Variants in NXNL2 observed in about 807,000 individuals in gnomAD.
The protein encoded by NXNL2 is nucleoredoxin like 2, also known as nucleoredoxin-like protein 2.
A neutral mutation model predicts 11.1 loss-of-function variants in NXNL2; 7 were observed. The observed-to-expected ratio is 0.63, with a 90% CI of 0.36 to 1.18. NXNL2 has a LOEUF of 1.18. Ranked by LOEUF, NXNL2 falls within the 50% of genes most tolerant of loss-of-function variation. The pLI is 0.02. For synonymous variants in NXNL2, 109 were observed against 101.8 expected, an observed-to-expected ratio of 1.07 and a Z score of -0.42; for missense variants, 233 against 217.7, an observed-to-expected ratio of 1.07 and a Z score of -0.44.
chr9:88,561,458 ACTATCTATCTAT>A (rs199978903), intron 1 of NXNL2, among the ~76,000 whole-genome samples: 4 of 151,976 alleles, frequency 2.6e-5, no homozygotes, highest in Non-Finnish European at 5.9e-5. Flanking sequence ...TCTACCATCT[ACTATCTATCTAT>A]CTATCTATCT....
At chr9:88,557,080 C>CAAAAA (rs150400954) in intron 1 of NXNL2, among the ~76,000 whole-genome samples, 41 of 55,456 alleles carry the variant, frequency 7.4e-4, no homozygotes, top group Non-Finnish European at 1.2e-3. Context: ...GACTCCATCT[C>CAAAAA]AAAAAAAAAA....
intron 1 of NXNL2, among the ~76,000 whole-genome samples, chr9:88,536,247 G>T (rs1425555535): frequency 6.6e-6 from 1 of 152,194 alleles, no homozygotes; most frequent in Admixed American, 6.5e-5. Context: ...AGTGCAGGCC[G>T]TGGTTGGTTT....
chr9:88,568,527 C>G (rs903563689), intron 1 of NXNL2, among the ~76,000 whole-genome samples: 3 of 152,238 alleles, frequency 2.0e-5, no homozygotes, highest in Non-Finnish European at 4.4e-5. Context: ...ACCTCAAACT[C>G]TAAGAGTCAC....
chr9:88,557,809 T>C (rs1235954845), intron 1 of NXNL2, among the ~76,000 whole-genome samples: 5 of 152,168 alleles, frequency 3.3e-5, no homozygotes, highest in African/African-American at 9.7e-5. Context: ...TAGAGCATAA[T>C]TTCCAGGAGG....
chr9:88,575,615 T>C lies in NXNL2; in HGVS notation c.*545T>C, dbSNP rs1276178695. 10 of 152,068 alleles carry C rather than the reference T, an allele frequency of 6.6e-5. 1 individual carries two copies. The highest frequency in any genetic ancestry group is 6.5e-4 in the Admixed American group (10 of 15,274). 9.4% of individuals were successfully genotyped at this position (152,068 alleles called of 1,614,324 possible). A position where few individuals can be genotyped will look rare whatever the true frequency, so the allele number is the denominator to read the frequency against. ...GGTTACCAGAAGCTGGAAAGGAAAG[T>C]GGGGTTGGGAGGAAGGTGGGAATGG... On this transcript the variant is annotated 3_prime_UTR_variant, in exon 3 of 3. Coordinates refer to the NXNL2 transcript ENST00000375855.
chr9:88,581,915 G>T (rs1186063588), intron 1 of NXNL2, among the ~76,000 whole-genome samples: 1 of 152,206 alleles, frequency 6.6e-6, no homozygotes, highest in Admixed American at 6.5e-5. Flanking sequence ...CTAACCATGG[G>T]CAAGATGACC....
intron 1 of NXNL2, among the ~76,000 whole-genome samples, chr9:88,570,108 T>G (rs75891956): frequency 0.064 from 9,757 of 151,928 alleles, 553 homozygotes; most frequent in African/African-American, 0.14. Flanking sequence ...TTTTAATTAA[T>G]TAATTTTTTT....
At chr9:88,562,676 C>CA (rs1830100356) in intron 1 of NXNL2, among the ~76,000 whole-genome samples, 2 of 151,410 alleles carry the variant, frequency 1.3e-5, no homozygotes, top group East Asian at 3.9e-4. Flanking sequence ...CACTTGAACC[C>CA]GGGGGGTGGA....
intron 1 of NXNL2, among the ~76,000 whole-genome samples, chr9:88,537,995 A>G (rs1391750268): frequency 6.6e-6 from 1 of 152,200 alleles, no homozygotes; most frequent in Non-Finnish European, 1.5e-5. Context: ...TGCTGAGGAC[A>G]AGGAGGAACT....
At chr9:88,561,638 G>C (rs1278176511) in intron 1 of NXNL2, among the ~76,000 whole-genome samples, 1 of 152,068 alleles carries the variant, frequency 6.6e-6, no homozygotes. Flanking sequence ...GGGGTGTGGG[G>C]ATACAAAGGG....
chr9:88,566,973 C>CATCTATCTATCTATCTATCT (rs371496393), intron 1 of NXNL2, among the ~76,000 whole-genome samples: 30 of 123,470 alleles, frequency 2.4e-4, no homozygotes, highest in East Asian at 6.5e-4. Flanking sequence ...TATTATCTAT[C>CATCTATCTATCTATCTATCT]ATCTATCTAT....
intron 1 of NXNL2, among the ~76,000 whole-genome samples, chr9:88,566,444 A>G (rs1001158209): frequency 6.6e-6 from 1 of 152,106 alleles, no homozygotes; most frequent in African/African-American, 2.4e-5. Context: ...CTGGGACTGC[A>G]GGCACGCACC....
chr9:88,537,964 G>C (rs547123976), intron 1 of NXNL2, among the ~76,000 whole-genome samples: 1 of 152,308 alleles, frequency 6.6e-6, no homozygotes, highest in Non-Finnish European at 1.5e-5. Context: ...TGAAGGCAGG[G>C]ACCAACGCTG....
chr9:88,538,306 C>G (rs1254991742), intron 1 of NXNL2: 1 of 152,230 alleles, frequency 6.6e-6, no homozygotes, highest in Non-Finnish European at 1.5e-5. Flanking sequence ...GCTCTGCATC[C>G]CCCTGACTGT....
At chr9:88,557,816 G>A (rs1275830817) in intron 1 of NXNL2, among the ~76,000 whole-genome samples, 5 of 152,138 alleles carry the variant, frequency 3.3e-5, no homozygotes, top group Non-Finnish European at 7.4e-5. Flanking sequence ...TAATTTCCAG[G>A]AGGGATTATT....
intron 1 of NXNL2, among the ~76,000 whole-genome samples, chr9:88,540,319 G>A (rs528992557): frequency 2.7e-5 from 4 of 149,452 alleles, no homozygotes; most frequent in African/African-American, 1.0e-4. Flanking sequence ...GCGAAAGAGC[G>A]AGACTCCATC....
chr9:88,571,676 A>G (rs377178818), intron 2 of NXNL2, among the ~76,000 whole-genome samples: 3 of 152,234 alleles, frequency 2.0e-5, no homozygotes, highest in African/African-American at 7.2e-5. Flanking sequence ...ACTAAATGGC[A>G]AGTTCCTGTG....
At chr9:88,541,052 C>T (rs551587241) in intron 1 of NXNL2, among the ~76,000 whole-genome samples, 65 of 139,334 alleles carry the variant, frequency 4.7e-4, no homozygotes, top group African/African-American at 1.8e-3. Flanking sequence ...TTCAAGCGAT[C>T]CTCATGCCTC....
At chr9:88,578,515 C>G (rs1411867517), downstream of NXNL2, among the ~76,000 whole-genome samples, 1 of 152,244 alleles carries the variant, frequency 6.6e-6, no homozygotes, top group Non-Finnish European at 1.5e-5. Flanking sequence ...GGGAAATAAA[C>G]ATAATCTGCC....
Sources: gnomAD v4.1 joint callset for allele counts (sites outside exome capture counted in the v4.1 genomes callset) on GRCh38, gnomAD v4.1.1 for gene constraint, MANE v1.5 for transcripts, NCBI Gene and HGNC (gene_info 2026-07-23, HGNC 2026-07-21) for gene names.